The following AP5Z1 variants were observed in gnomAD, a reference collection of about 807,000 sequenced individuals.
AP5Z1 encodes adaptor related protein complex 5 subunit zeta 1.
A neutral mutation model predicts 83.0 loss-of-function variants in AP5Z1; 106 were observed. That is an observed-to-expected ratio of 1.28 (90% CI 1.09 to 1.50). The LOEUF is 1.50. AP5Z1 is among the 40% of genes most tolerant of loss of function. The pLI, the probability that AP5Z1 is intolerant of heterozygous loss-of-function variation, is 0.00. For synonymous variants in AP5Z1, 751 were observed against 514.1 expected (o/e 1.46, Z -6.23); for missense variants, 1,565 against 1,094.2 (o/e 1.43, Z -6.07).
chr7:4,782,863 C>T (rs1050420909), intron 3 of AP5Z1, among the ~76,000 whole-genome samples: 2 of 152,204 alleles, frequency 1.3e-5, no homozygotes, highest in African/African-American at 2.4e-5. Flanking sequence ...ACGTGGCCTC[C>T]CAGCCACCCA....
At position 4,775,640 on chromosome 7, in the gene AP5Z1, T is replaced by C. The variant is rs773010480; in HGVS notation, c.-76T>C. On this transcript the variant is annotated 5_prime_UTR_variant, in exon 1 of 17. Coordinates refer to ENST00000649063, the MANE Select transcript of AP5Z1 (RefSeq NM_014855.3). ...GCTCACGTGACGCGGTCCCGGAAGT[T>C]GACCGGGGTGCGGAGCTCCTGGGCT... 3.1e-6 allele frequency: 5 copies of C among 1,587,754 alleles called. No homozygotes were observed. The highest frequency in any genetic ancestry group is 4.3e-6 in the Non-Finnish European group (5 of 1,170,674).
intron 3 of AP5Z1, among the ~76,000 whole-genome samples, chr7:4,782,095 C>CAGTGTAGAG (rs1350467531): frequency 6.6e-6 from 1 of 152,088 alleles, no homozygotes; most frequent in Non-Finnish European, 1.5e-5. Flanking sequence ...CTCTGCTGTC[C>CAGTGTAGAG]AGTGTAGAGT....
At chr7:4,779,216 T>C (rs2115098832) in intron 1 of AP5Z1, among the ~76,000 whole-genome samples, 1 of 145,182 alleles carries the variant, frequency 6.9e-6, no homozygotes, top group South Asian at 2.1e-4. Context: ...ATATATTATG[T>C]ATAACATATA....
Position 4,790,907 on chromosome 7 carries a change from G to T in AP5Z1, c.2153+20G>T, listed in dbSNP as rs1424164530. ...CCCCAGGTGCCTGGTCAGGGAGGGA[G>T]CGAAGCCTTCTGGCTCCTGGGGAAG... On this transcript the variant is annotated intron_variant, in intron 16 of 16. Transcript: ENST00000649063. 1.9e-6 allele frequency: 3 copies of T among 1,574,952 alleles called. No individual in the cohort carries two copies. Among genetic ancestry groups the T allele is most frequent in the Non-Finnish European group, 2.6e-6 (3 of 1,160,558 alleles).
rs747520816 is a variant in AP5Z1, at chr7:4,790,579, C to T, written c.1926C>T (p.Leu642=). The T allele has an allele frequency of 2.2e-5, 36 of 1,612,890 alleles. No homozygotes were observed. Among genetic ancestry groups the T allele is most frequent in the African/African-American group, 6.7e-5 (5 of 74,930 alleles). Residue 642 remains leucine (L), a synonymous_variant, in exon 15 of 17, where the codon CTC becomes CTT. Transcript: ENST00000649063. ...ATGGTCTCTGCAGCAGGGCGAGCCT[C>T]GTCACCAGCGTGGTAAGGCGGGCGC... ...SVNGLCSRAS[L]VTSVVWAIGE...
chr7:4,783,766 G>C lies in AP5Z1; in HGVS notation c.589G>C (p.Gly197Arg). The C allele has an allele frequency of 1.3e-6, 2 of 1,550,406 alleles. No individual in the cohort carries two copies. The highest frequency in any genetic ancestry group is 4.9e-5 in the East Asian group (2 of 40,920). The part of the protein sequence containing the change: ...ASLQQGLPHS[G>R]GFFSTPRARQ... Reference sequence around the variant, plus strand: ...CCTCCAGCAAGGGCTCCCACACTCCGGCGGCTTCTTCTCCACGCCCAGGGC... The same window carrying C: ...CCTCCAGCAAGGGCTCCCACACTCCCGCGGCTTCTTCTCCACGCCCAGGGC... The change falls in exon 5 of 17, where the codon GGC (glycine) becomes CGC (arginine). Residue 197 changes from glycine (G) to arginine (R), a missense_variant. Coordinates refer to ENST00000649063, the MANE Select transcript of AP5Z1 (RefSeq NM_014855.3).
In AP5Z1 at chr7:4,791,608, T is replaced by C; in HGVS notation, c.*223T>C. ...GCTCCCAGGCAACACTGAGCTGAGC[T>C]GAGGGGTGCCATGGAGCGGCTCTGA... is the stretch of plus-strand genomic sequence containing the variant. On this transcript the variant is annotated 3_prime_UTR_variant, in exon 17 of 17. Coordinates refer to ENST00000649063, the MANE Select transcript of AP5Z1 (RefSeq NM_014855.3). 1 of 656,182 alleles carries C rather than the reference T, an allele frequency of 1.5e-6. No homozygotes were observed. Among genetic ancestry groups the C allele is most frequent in the Non-Finnish European group, 2.5e-6 (1 of 401,044 alleles). The allele number at this position is 656,182 out of a possible 1,614,324, so 40.6% of individuals were successfully genotyped here.
At chr7:4,789,983 C>CT (rs1031388646) in intron 14 of AP5Z1, 54 bp downstream of exon 14, 1 of 1,296,202 alleles carries the variant, frequency 7.7e-7, no homozygotes, top group Non-Finnish European at 1.0e-6. Flanking sequence ...TCCTGGACTC[C>CT]TCCCCCTCTC....
At chr7:4,790,431 G>A (rs756810710) in intron 14 of AP5Z1, 28 bp from the exon 15 acceptor site, 2 of 1,612,810 alleles carry the variant, frequency 1.2e-6, no homozygotes, top group Admixed American at 1.7e-5. Flanking sequence ...TCTGCACAGA[G>A]CAGGCGTAGA....
Position 4,791,171 on chromosome 7 carries a change from C to T in AP5Z1, c.2210C>T (p.Ser737Phe). The change falls in exon 17 of 17, where the codon TCC (serine) becomes TTC (phenylalanine). Residue 737 changes from serine to phenylalanine, a missense_variant. Transcript: ENST00000649063. ...CTGGCTCACAGTCCAGCCACCAGCT[C>T]CACGCACAGCGAGGAGGGCGCGGAA... ...RTLAHSPATSSTHSEEGAEAI... is the reference protein window; with the variant it reads ...RTLAHSPATSFTHSEEGAEAI... The T allele has an allele frequency of 6.3e-7, 1 of 1,586,890 alleles. No homozygotes were observed. The highest frequency in any genetic ancestry group is 1.9e-5 in the African/African-American group (1 of 53,808).
rs201206140 is a variant in AP5Z1 at position 4,785,025 on chromosome 7, G to C, written c.908G>C (p.Arg303Pro). Residue 303 changes from arginine to proline, a missense_variant, in exon 7 of 17, where the codon CGC becomes CCC. By Grantham distance (103) the Arg-to-Pro change is moderately radical. Transcript: ENST00000649063. Reference protein sequence around the residue: ...LREVAFEYCQRLIEQSNRRAL... With the variant: ...LREVAFEYCQPLIEQSNRRAL... ...GAGGTGGCCTTCGAGTACTGCCAGC[G>C]CCTCATTGAGCAAAGTAACCGACGT... is the stretch of plus-strand genomic sequence containing the variant. 1 of 1,606,664 alleles carries C rather than the reference G, an allele frequency of 6.2e-7. No individual in the cohort carries two copies.
rs1220330030 is a variant in AP5Z1, at chr7:4,779,205, CAT to C, written c.42-1965_42-1964del. Among the ~76,000 whole-genome samples the C allele has an allele frequency of 6.2e-5, 9 of 144,594 alleles. No individual in the cohort carries two copies. The South Asian group carries it at 1.9e-3, about 31-fold the overall frequency. The allele number at this position is 144,594 out of a possible 152,430, so 94.9% of individuals were successfully genotyped here. A position where few individuals can be genotyped will look rare whatever the true frequency, so the allele number is the denominator to read the frequency against. ...ACATATATAACAACATAATATATAGCATATATTATGTATAACATATATTAGAT... is the reference window on the plus strand; with the variant it reads ...ACATATATAACAACATAATATATAGCATATTATGTATAACATATATTAGAT... On this transcript the variant is annotated intron_variant, in intron 1 of 16. Coordinates refer to ENST00000649063, the MANE Select transcript of AP5Z1 (RefSeq NM_014855.3).
intron 1 of AP5Z1, among the ~76,000 whole-genome samples, 157 bp from the exon 2 acceptor site, chr7:4,781,018 C>T (rs574998628): frequency 1.3e-4 from 20 of 152,268 alleles, no homozygotes; most frequent in East Asian, 1.2e-3. Context: ...AGGGAATCAG[C>T]GAATTTATCT....
At chr7:4,781,392 A>G in intron 2 of AP5Z1, 80 bp downstream of exon 2, 1 of 1,598,294 alleles carries the variant, frequency 6.3e-7, no homozygotes, top group Non-Finnish European at 8.5e-7. Flanking sequence ...AGGTCACTGC[A>G]GATGCTCCTT....
chr7:4,781,480 G>T (rs1217632188), intron 2 of AP5Z1, 88 bp from the exon 3 acceptor site: 2 of 1,545,400 alleles, frequency 1.3e-6, no homozygotes, highest in Non-Finnish European at 1.8e-6. Flanking sequence ...ACTGGCCCAA[G>T]GGTGCCCGGC....
rs1394242716 is a variant in AP5Z1, at chr7:4,788,650, G to T, written c.1596-190G>T. ...AGCCCACGCCAGCCTTTGTCCCGATGGCTTTACTGTCCCGGGTGTGCTGAC... is the reference window on the plus strand; with the variant it reads ...AGCCCACGCCAGCCTTTGTCCCGATTGCTTTACTGTCCCGGGTGTGCTGAC... On this transcript the variant is annotated intron_variant, in intron 12 of 16. Coordinates refer to ENST00000649063, the MANE Select transcript of AP5Z1 (RefSeq NM_014855.3). 4.0e-5 allele frequency: 22 copies of T among 549,736 alleles called. No individual in the cohort carries two copies. In the Admixed American group the frequency reaches 7.5e-4, roughly 19 times the overall value. 34.1% of individuals were successfully genotyped at this position (549,736 alleles called of 1,614,324 possible).
chr7:4,786,525 A>T, intron 10 of AP5Z1, 97 bp downstream of exon 10: 1 of 1,400,868 alleles, frequency 7.1e-7, no homozygotes, highest in Non-Finnish European at 9.9e-7. Flanking sequence ...GTCCTGGCTG[A>T]GCATAGAGCC....
chr7:4,781,822 A>G, intron 3 of AP5Z1, 68 bp downstream of exon 3: 1 of 1,443,606 alleles, frequency 6.9e-7, no homozygotes, highest in Non-Finnish European at 9.2e-7. Context: ...GGAGACAGGA[A>G]GCAGGGGCGC....
At position 4,791,490 on chromosome 7, in the gene AP5Z1, G is replaced by A; in HGVS notation, c.*105G>A. 4 of 1,450,984 alleles carry A rather than the reference G, an allele frequency of 2.8e-6. No individual in the cohort carries two copies. The highest frequency in any genetic ancestry group is 3.7e-6 in the Non-Finnish European group (4 of 1,089,374). 89.9% of individuals were successfully genotyped at this position (1,450,984 alleles called of 1,614,324 possible). On this transcript the variant is annotated 3_prime_UTR_variant, in exon 17 of 17. Coordinates refer to ENST00000649063, the MANE Select transcript of AP5Z1 (RefSeq NM_014855.3). ...TCAGGAGGGCGCGGGAGTCCTGGGA[G>A]AGGAGGCAAGGCCCACGGTGGGCTT... is the stretch of plus-strand genomic sequence containing the variant.
Sources: gnomAD v4.1 joint callset for allele counts (sites outside exome capture counted in the v4.1 genomes callset) on GRCh38, gnomAD v4.1.1 for gene constraint, MANE v1.5 for transcripts, NCBI Gene and HGNC (gene_info 2026-07-23, HGNC 2026-07-21) for gene names.